CACNA1A: variants seen among roughly 807,000 people sequenced by gnomAD.
The protein encoded by CACNA1A is voltage-dependent P/Q-type calcium channel subunit alpha-1A.
Under a neutral mutation model 262.4 loss-of-function variants are expected in CACNA1A, and 57 were observed. The observed-to-expected ratio is 0.22, with a 90% CI of 0.18 to 0.27. The LOEUF (loss-of-function observed/expected upper bound fraction) is 0.27, where lower values mean the gene tolerates loss of function less well. Among genes scored for constraint, CACNA1A ranks in the 10% least tolerant of loss-of-function variants. The pLI, the probability that CACNA1A is intolerant of heterozygous loss-of-function variation, is 1.00. For missense variants in CACNA1A, 2,526 were observed against 3,562.8 expected (o/e 0.71, Z 7.41); for synonymous variants, 1,431 against 1,419.3 (o/e 1.01, Z -0.18).
At chr19:13,321,554 C>T (rs980922192) in intron 10 of CACNA1A, among the ~76,000 whole-genome samples, 2 of 152,158 alleles carry the variant, frequency 1.3e-5, no homozygotes, top group African/African-American at 4.8e-5. Flanking sequence ...GATGTTGTAG[C>T]CTACTCCACA....
chr19:13,381,826 G>C (rs989848426), intron 3 of CACNA1A, among the ~76,000 whole-genome samples: 1 of 152,208 alleles, frequency 6.6e-6, no homozygotes, highest in African/African-American at 2.4e-5. Flanking sequence ...GCAAGGGGGA[G>C]GGTGTGAGGG....
intron 20 of CACNA1A, among the ~76,000 whole-genome samples, chr19:13,286,136 G>A (rs1413335695): frequency 2.0e-5 from 3 of 151,808 alleles, no homozygotes; most frequent in African/African-American, 4.8e-5. Flanking sequence ...ATTTGCATGT[G>A]GCCTGTGTTA....
At chr19:13,499,953 G>A (rs890213184) in intron 1 of CACNA1A, among the ~76,000 whole-genome samples, 10 of 151,964 alleles carry the variant, frequency 6.6e-5, no homozygotes, top group African/African-American at 2.4e-4. Flanking sequence ...CTTGCTACTG[G>A]GGGGGAAACA....
At chr19:13,281,359 C>G (rs1468594393) in intron 22 of CACNA1A, among the ~76,000 whole-genome samples, 1 of 129,976 alleles carries the variant, frequency 7.7e-6, no homozygotes, top group East Asian at 2.2e-4. Flanking sequence ...ACCTGGGCGA[C>G]AGAGAGAGAC....
chr19:13,420,457 A>G (rs1010346493), intron 3 of CACNA1A, among the ~76,000 whole-genome samples: 19 of 152,180 alleles, frequency 1.2e-4, no homozygotes, highest in Non-Finnish European at 2.6e-4. Flanking sequence ...TAAGCCCTAA[A>G]TTCAATGACT....
At chr19:13,434,211 C>T (rs995207372) in intron 3 of CACNA1A, among the ~76,000 whole-genome samples, 1 of 152,142 alleles carries the variant, frequency 6.6e-6, no homozygotes, top group Middle Eastern at 3.2e-3. Flanking sequence ...GGGTGCAGTG[C>T]AGTGGCGTGA....
rs16059 is a variant in CACNA1A, at chr19:13,207,403, G to A, written c.7431C>T (p.Tyr2477=). The A allele has an allele frequency of 8.4e-3, 12,911 of 1,535,954 alleles. 114 individuals carry two copies. Among genetic ancestry groups the A allele is most frequent in the Admixed American group, 0.028 (1,441 of 51,588 alleles). ...RHGRRLPNGY[Y]PAHGLARPRG... ...GGGGCCTGGCCAGTCCGTGCGCCGG[G>A]TAGTAGCCGTTGGGGAGTCGCCGGC... is the stretch of plus-strand genomic sequence containing the variant. The change falls in exon 47 of 47, where the codon TAC becomes TAT. Residue 2477 remains tyrosine, a synonymous_variant. Coordinates refer to ENST00000360228, the MANE Select transcript of CACNA1A (RefSeq NM_001127222.2). This position sits in a 1 kb window ranked among gnomAD's most constrained non-coding sequence, Gnocchi z 5.7.
At position 13,236,363 on chromosome 19, in the gene CACNA1A, C is replaced by T. The variant is rs188539773; in HGVS notation, c.4951-633G>A. 1 of 153,930 alleles carries T rather than the reference C, an allele frequency of 6.5e-6. No individual in the cohort carries two copies. Among genetic ancestry groups the T allele is most frequent in the Admixed American group, 6.5e-5 (1 of 15,412 alleles). 9.5% of individuals were successfully genotyped at this position (153,930 alleles called of 1,614,324 possible). A position where few individuals can be genotyped will look rare whatever the true frequency, so the allele number is the denominator to read the frequency against. On this transcript the variant is annotated intron_variant, in intron 31 of 46. Coordinates refer to ENST00000360228, the MANE Select transcript of CACNA1A (RefSeq NM_001127222.2). The surrounding 1 kb of genome is among the most constrained non-coding windows in gnomAD (Gnocchi z 4.6). The stretch of plus-strand genomic sequence containing the variant: ...CCTGCCCTGCCGAGCTGCCCACCCG[C>T]TCCTGCCCGCCCTGACCTCACCCCA...
intron 3 of CACNA1A, among the ~76,000 whole-genome samples, chr19:13,395,273 CAA>C (rs58840618): frequency 0.013 from 1,119 of 88,880 alleles, 12 homozygotes; most frequent in African/African-American, 0.044. Context: ...GACTCCATCT[CAA>C]AAAAAAAAAA....
chr19:13,315,045 A>G (rs1366925772), intron 11 of CACNA1A, among the ~76,000 whole-genome samples: 4 of 152,284 alleles, frequency 2.6e-5, no homozygotes, highest in African/African-American at 9.6e-5. Flanking sequence ...TATCCTTAGC[A>G]TTGTTGCATC....
intron 1 of CACNA1A, among the ~76,000 whole-genome samples, chr19:13,486,220 A>G (rs1434589310): frequency 6.6e-6 from 1 of 152,248 alleles, no homozygotes; most frequent in Non-Finnish European, 1.5e-5. Flanking sequence ...CCAGGAGGGA[A>G]GGAGTGGCTG....
intron 5 of CACNA1A, 151 bp downstream of exon 5, chr19:13,365,166 C>T (rs1157771851): frequency 3.3e-6 from 2 of 600,270 alleles, no homozygotes; most frequent in Non-Finnish European, 5.9e-6. Flanking sequence ...ATCTCAGAGG[C>T]TATTTCACTC....
At chr19:13,492,300 C>G (rs956175345) in intron 1 of CACNA1A, among the ~76,000 whole-genome samples, 2 of 152,164 alleles carry the variant, frequency 1.3e-5, no homozygotes, top group Non-Finnish European at 2.9e-5. Context: ...CCACAGAGAT[C>G]TGGAAAATGC....
chr19:13,281,897 G>A (rs2057301042), intron 22 of CACNA1A, among the ~76,000 whole-genome samples: 2 of 152,174 alleles, frequency 1.3e-5, no homozygotes, highest in Non-Finnish European at 2.9e-5. Context: ...TTCAGCCCTG[G>A]GAGCTGCCGT....
chr19:13,235,513 T>C (rs2055844406), intron 32 of CACNA1A, 101 bp downstream of exon 32: 1 of 866,498 alleles, frequency 1.2e-6, no homozygotes, highest in Non-Finnish European at 1.9e-6. Flanking sequence ...TCTGCACGAC[T>C]ACATCACAGA....
At chr19:13,267,129 TGAGAGAGAGAGAGA>T (rs146993344) in intron 24 of CACNA1A, among the ~76,000 whole-genome samples, 1 of 149,280 alleles carries the variant, frequency 6.7e-6, no homozygotes, top group East Asian at 2.0e-4. Flanking sequence ...AGACAGAATA[TGAGAGAGAGAGAGA>T]GAGAAAGAGA....
At chr19:13,380,688 G>A (rs2059507685) in intron 3 of CACNA1A, among the ~76,000 whole-genome samples, 1 of 147,062 alleles carries the variant, frequency 6.8e-6, no homozygotes, top group Admixed American at 6.8e-5. Flanking sequence ...TTTGCTAGTA[G>A]CCACATTAAA....
rs202072454 is a variant in CACNA1A at position 13,352,403 on chromosome 19, C to CAA, written c.978+7201_978+7202dup. ...TGGGCAACAGAGTGAGACTCCATCT[C>CAA]AAAAAAAAAAAAAAAAAGTAAACTG... On this transcript the variant is annotated intron_variant, in intron 6 of 46. Coordinates refer to ENST00000360228, the MANE Select transcript of CACNA1A (RefSeq NM_001127222.2). Among the ~76,000 whole-genome samples, 90 of 82,620 alleles carry CAA rather than the reference C, an allele frequency of 1.1e-3. 1 individual carries two copies. In the East Asian group the frequency reaches 0.012, roughly 11 times the overall value. 54.2% of individuals were successfully genotyped at this position (82,620 alleles called of 152,430 possible). A position where few individuals can be genotyped will look rare whatever the true frequency, so the allele number is the denominator to read the frequency against.
At chr19:13,251,494 GAAC>G (rs1049062868) in intron 30 of CACNA1A, among the ~76,000 whole-genome samples, 67 of 151,956 alleles carry the variant, frequency 4.4e-4, no homozygotes, top group African/African-American at 1.6e-3. Flanking sequence ...AAACAAAACA[GAAC>G]AACAACAAAA....
Sources: gnomAD v4.1 joint callset for allele counts (sites outside exome capture counted in the v4.1 genomes callset) on GRCh38, gnomAD v4.1.1 for gene constraint, Gnocchi (gnomAD v3.1) non-coding constraint, MANE v1.5 for transcripts, NCBI Gene and HGNC (gene_info 2026-07-23, HGNC 2026-07-21) for gene names.